Variants in METTL3 observed in about 807,000 individuals in gnomAD.
The protein encoded by METTL3 is N(6)-adenosine-methyltransferase catalytic subunit METTL3.
METTL3 carries 42 observed loss-of-function variants against 64.3 expected under a neutral mutation model. The ratio of observed to expected loss-of-function variants is 0.65; its 90% CI spans 0.51 to 0.84. The LOEUF (loss-of-function observed/expected upper bound fraction) is 0.84, where lower values mean the gene tolerates loss of function less well. Ranked by LOEUF, METTL3 falls within the 40% of genes least tolerant of loss-of-function variation. The pLI is 0.00. For missense variants in METTL3, 435 were observed against 722.3 expected (o/e 0.60, Z 4.56); for synonymous variants, 256 against 263.6 (o/e 0.97, Z 0.28).
chr14:21,503,173 C>T lies in METTL3; in HGVS notation c.723G>A (p.Lys241=). 1 of 1,605,706 alleles carries T rather than the reference C, an allele frequency of 6.2e-7. No homozygotes were observed. Among genetic ancestry groups the T allele is most frequent in the Non-Finnish European group, 8.5e-7 (1 of 1,175,990 alleles). Residue 241 remains lysine (K), a splice_region_variant and synonymous_variant, in exon 3 of 11, where the codon AAG becomes AAA. Transcript: ENST00000298717. The part of the protein sequence containing the change: ...QQSTKEQQSK[K]VSQEILELLN... The stretch of plus-strand genomic sequence containing the variant: ...GAGAGTATTTTCACATGACCCCTAC[C>T]TTCTTGCTCTGTTGTTCCTTAGTGG...
Position 21,498,383 on chromosome 14 carries a change from A to T in METTL3, c.1632-14T>A. ...CCAAGGGTGATCCTGAAACAGTGTA[A>T]AAGGAGGGGCAAACCAGAAATCCTG... On this transcript the variant is annotated splice_polypyrimidine_tract_variant and intron_variant, in intron 10 of 10. Transcript: ENST00000298717. 6.2e-7 allele frequency: 1 copy of T among 1,613,336 alleles called. No individual in the cohort carries two copies. The highest frequency in any genetic ancestry group is 8.5e-7 in the Non-Finnish European group (1 of 1,179,750).
intron 1 of METTL3, among the ~76,000 whole-genome samples, chr14:21,505,403 T>G (rs539265925): frequency 3.9e-5 from 6 of 152,270 alleles, no homozygotes; most frequent in Non-Finnish European, 8.8e-5. Context: ...GTAATCTGAC[T>G]GATTTAATAC....
chr14:21,500,396 A>G, intron 6 of METTL3, 99 bp downstream of exon 6: 1 of 1,219,642 alleles, frequency 8.2e-7, no homozygotes, highest in Non-Finnish European at 1.2e-6. Flanking sequence ...TCAGTCATAC[A>G]TTTAATAGTG....
intron 5 of METTL3, 57 bp downstream of exon 5, chr14:21,500,856 C>T (rs1891549583): frequency 3.9e-6 from 6 of 1,534,160 alleles, no homozygotes; most frequent in Non-Finnish European, 5.4e-6. Context: ...ACGTGTATGG[C>T]TGCCCTATCA....
chr14:21,499,600 C>G lies in METTL3; in HGVS notation c.1344G>C (p.Gly448=), dbSNP rs1286391705. ...ELGRECLNLW[G]YERVDEIIWV... ...AAATAATTTCATCTACCCGTTCATA[C>G]CTGTGGGGCATAAAAAAGAACTAGA... is the stretch of plus-strand genomic sequence containing the variant. Residue 448 remains glycine (G), a splice_region_variant and synonymous_variant, in exon 8 of 11, where the codon GGG becomes GGC. Coordinates refer to ENST00000298717, the MANE Select transcript of METTL3 (RefSeq NM_019852.5). The G allele has an allele frequency of 1.2e-6, 2 of 1,612,950 alleles. No homozygotes were observed. Among genetic ancestry groups the G allele is most frequent in the African/African-American group, 2.7e-5 (2 of 74,880 alleles).
At chr14:21,501,614 C>G in intron 4 of METTL3, 114 bp downstream of exon 4, 1 of 1,386,646 alleles carries the variant, frequency 7.2e-7, no homozygotes, top group Non-Finnish European at 1.0e-6. Context: ...AGGACTTACA[C>G]AAACCATAAA....
chr14:21,500,175 T>C (rs189689625), intron 6 of METTL3, among the ~76,000 whole-genome samples: 6 of 152,092 alleles, frequency 3.9e-5, no homozygotes, highest in South Asian at 2.1e-4. Context: ...CTGGCTAACA[T>C]GGTGAAATCC....
chr14:21,510,749 T>G, intron 1 of METTL3: 11 of 227,374 alleles, frequency 4.8e-5, no homozygotes, highest in East Asian at 2.8e-4. Context: ...AAACAGTCGT[T>G]ATAACTGAGG....
At chr14:21,502,010 A>C (rs1891580531) in intron 3 of METTL3, 107 bp from the exon 4 acceptor site, 3 of 758,564 alleles carry the variant, frequency 4.0e-6, no homozygotes, top group African/African-American at 2.3e-5. Flanking sequence ...GAGATAAATC[A>C]ACTTTTTTTT....
intron 1 of METTL3, among the ~76,000 whole-genome samples, chr14:21,505,695 G>A (rs940313909): frequency 2.0e-5 from 3 of 152,064 alleles, no homozygotes; most frequent in East Asian, 1.9e-4. Context: ...CCCTAAAACC[G>A]GTTACTGTCC....
In METTL3 at chr14:21,500,361, CAAAAAAAA is replaced by C. The variant is rs3838362; in HGVS notation, c.1304+126_1304+133del. Reference sequence around the variant, plus strand: ...CCTAAGCAACACAGTGAGACTCTCTCAAAAAAAAAGAAAAAAAGACTAAATCAGTCATA... The same window carrying C: ...CCTAAGCAACACAGTGAGACTCTCTCAGAAAAAAAGACTAAATCAGTCATA... On this transcript the variant is annotated intron_variant, in intron 6 of 10. Coordinates refer to ENST00000298717, the MANE Select transcript of METTL3 (RefSeq NM_019852.5). The C allele has an allele frequency of 1.9e-5, 17 of 872,628 alleles. 1 individual carries two copies. In the East Asian group the frequency reaches 4.2e-4, roughly 22 times the overall value. 54.1% of individuals were successfully genotyped at this position (872,628 alleles called of 1,614,324 possible). A position where few individuals can be genotyped will look rare whatever the true frequency, so the allele number is the denominator to read the frequency against.
At chr14:21,507,389 G>A (rs1332702326) in intron 1 of METTL3, among the ~76,000 whole-genome samples, 4 of 152,140 alleles carry the variant, frequency 2.6e-5, no homozygotes, top group African/African-American at 7.2e-5. Context: ...GCCGGGCGCG[G>A]TGGCTCACAC....
intron 1 of METTL3, among the ~76,000 whole-genome samples, chr14:21,507,222 A>G (rs574106078): frequency 1.8e-4 from 28 of 152,216 alleles, no homozygotes; most frequent in African/African-American, 6.5e-4. Context: ...AAAAATGCCA[A>G]TCTAACAAAG....
At position 21,499,598 on chromosome 14, in the gene METTL3, T is replaced by TACCTGTGGGGCATAAAAAAGAACTAGA; in HGVS notation, c.1344-25_1345dup (p.Gly448_Tyr449insPheTer). Reference sequence around the variant, plus strand: ...CCAAATAATTTCATCTACCCGTTCATACCTGTGGGGCATAAAAAAGAACTA... The same window carrying TACCTGTGGGGCATAAAAAAGAACTAGA: ...CCAAATAATTTCATCTACCCGTTCATACCTGTGGGGCATAAAAAAGAACTAGAACCTGTGGGGCATAAAAAAGAACTA... On this transcript the variant is annotated stop_gained and splice_region_variant, in exon 8 of 11. Coordinates refer to ENST00000298717, the MANE Select transcript of METTL3 (RefSeq NM_019852.5). LOFTEE classifies it high-confidence loss of function. 6.2e-7 allele frequency: 1 copy of TACCTGTGGGGCATAAAAAAGAACTAGA among 1,613,500 alleles called. No homozygotes were observed. The highest frequency in any genetic ancestry group is 8.5e-7 in the Non-Finnish European group (1 of 1,179,384).
chr14:21,501,618 C>T, intron 4 of METTL3, 110 bp downstream of exon 4: 1 of 1,416,514 alleles, frequency 7.1e-7, no homozygotes, highest in Non-Finnish European at 9.7e-7. Flanking sequence ...CTTACACAAA[C>T]CATAAACTAA....
At chr14:21,500,292 A>AGGTGGAG (rs1436143266) in intron 6 of METTL3, among the ~76,000 whole-genome samples, 1 of 151,936 alleles carries the variant, frequency 6.6e-6, no homozygotes, top group Non-Finnish European at 1.5e-5. Flanking sequence ...TGAACCTGGG[A>AGGTGGAG]GGTGGAGGTT....
At chr14:21,504,006 C>T (rs894963821) in intron 1 of METTL3, 125 bp from the exon 2 acceptor site, 1 of 790,524 alleles carries the variant, frequency 1.3e-6, no homozygotes, top group Non-Finnish European at 2.0e-6. Flanking sequence ...ATTCTGTGAC[C>T]AACTTTAGCA....
intron 5 of METTL3, 43 bp from the exon 6 acceptor site, chr14:21,500,725 G>T: frequency 6.4e-7 from 1 of 1,570,722 alleles, no homozygotes; most frequent in Non-Finnish European, 8.7e-7. Context: ...CTTTAACTCT[G>T]AGATTCATGG....
chr14:21,510,052 T>G (rs1891795228), intron 1 of METTL3, among the ~76,000 whole-genome samples: 1 of 152,240 alleles, frequency 6.6e-6, no homozygotes. Context: ...ACACCAGCTC[T>G]TGTTACTTCT....
Sources: allele counts gnomAD v4.1 joint callset (sites outside exome capture counted in the v4.1 genomes callset), GRCh38; gene constraint gnomAD v4.1.1; transcripts MANE v1.5; gene names NCBI Gene and HGNC (gene_info 2026-07-23, HGNC 2026-07-21).